The following RASEF variants were observed in gnomAD, a reference collection of about 807,000 sequenced individuals.
RASEF encodes RAS and EF-hand domain containing, also known as ras and EF-hand domain-containing protein.
RASEF carries 68 observed loss-of-function variants against 90.1 expected under a neutral mutation model. The observed-to-expected ratio is 0.75, with a 90% CI of 0.62 to 0.92. The LOEUF (loss-of-function observed/expected upper bound fraction) is 0.92, where lower values mean the gene tolerates loss of function less well. Among genes scored for constraint, RASEF ranks in the 40% least tolerant of loss-of-function variants. The pLI is 0.00. For missense variants in RASEF, 949 were observed against 937.2 expected, an observed-to-expected ratio of 1.01 and a Z score of -0.16; for synonymous variants, 331 against 345.2, an observed-to-expected ratio of 0.96 and a Z score of 0.46.
chr9:83,202,892 C>T, the RASEF span, among the ~76,000 whole-genome samples: 1,473 of 152,226 alleles, frequency 9.7e-3, 22 homozygotes, highest in African/African-American at 0.034. Context: ...GGTATACATA[C>T]ATCAAAACGT....
At chr9:83,104,435 G>C in the RASEF span, among the ~76,000 whole-genome samples, 1 of 152,138 alleles carries the variant, frequency 6.6e-6, no homozygotes, top group African/African-American at 2.4e-5. Context: ...GAGCTTGCGA[G>C]AAACATTGAG....
the RASEF span, among the ~76,000 whole-genome samples, chr9:83,089,825 T>C: frequency 6.6e-6 from 1 of 152,138 alleles, no homozygotes; most frequent in Non-Finnish European, 1.5e-5. Flanking sequence ...TTGGGACATT[T>C]CGGCCACTAT....
intron 16 of RASEF, among the ~76,000 whole-genome samples, chr9:82,984,531 A>G (rs1206408394): frequency 6.6e-6 from 1 of 152,214 alleles, no homozygotes; most frequent in Non-Finnish European, 1.5e-5. Context: ...CATATTTGAT[A>G]TATACCCCAG....
chr9:83,088,039 A>G, the RASEF span, among the ~76,000 whole-genome samples: 52 of 152,100 alleles, frequency 3.4e-4, no homozygotes, highest in Non-Finnish European at 5.1e-4. Context: ...TAATTTCCAC[A>G]TATTTGTGAA....
At chr9:83,046,868 AATAGGTGATACTTT>A (rs1829941955) in intron 1 of RASEF, among the ~76,000 whole-genome samples, 2 of 152,192 alleles carry the variant, frequency 1.3e-5, no homozygotes, top group African/African-American at 4.8e-5. Flanking sequence ...GGGAGCTAAC[AATAGGTGATACTTT>A]CACCACTGCA....
the RASEF span, among the ~76,000 whole-genome samples, chr9:83,126,452 C>T: frequency 1.0e-3 from 156 of 152,144 alleles, 2 homozygotes; most frequent in Non-Finnish European, 1.8e-4. Context: ...ACCTAGTCTA[C>T]AGTATTTTAT....
At chr9:83,031,427 T>C (rs1228738887) in intron 1 of RASEF, among the ~76,000 whole-genome samples, 2 of 152,338 alleles carry the variant, frequency 1.3e-5, no homozygotes, top group Admixed American at 1.3e-4. Context: ...TTTAAGCCTT[T>C]ACATATATTA....
At chr9:83,114,822 T>G in the RASEF span, among the ~76,000 whole-genome samples, 1 of 152,214 alleles carries the variant, frequency 6.6e-6, no homozygotes, top group Non-Finnish European at 1.5e-5. Flanking sequence ...AATGTGTGCC[T>G]GAAACTTCAT....
chr9:83,076,056 T>G, the RASEF span, among the ~76,000 whole-genome samples: 2 of 151,690 alleles, frequency 1.3e-5, no homozygotes, highest in Admixed American at 1.3e-4. Flanking sequence ...TAATCCCAGC[T>G]ACTCTGGAGG....
the RASEF span, among the ~76,000 whole-genome samples, chr9:83,193,624 C>T: frequency 5.9e-5 from 9 of 152,162 alleles, no homozygotes; most frequent in African/African-American, 2.2e-4. Context: ...TAAGTGGCCT[C>T]ATAAATATGG....
chr9:83,099,127 CAT>C, the RASEF span, among the ~76,000 whole-genome samples: 5 of 152,102 alleles, frequency 3.3e-5, no homozygotes, highest in Non-Finnish European at 7.4e-5. Flanking sequence ...TCTATCTATC[CAT>C]ATATCTATGA....
At chr9:83,029,913 C>A (rs904862821) in intron 1 of RASEF, among the ~76,000 whole-genome samples, 2 of 152,146 alleles carry the variant, frequency 1.3e-5, no homozygotes, top group Non-Finnish European at 2.9e-5. Flanking sequence ...ATATTTATTA[C>A]GGGGCAGTGA....
At chr9:83,008,094 T>C (rs1829166261) in intron 6 of RASEF, among the ~76,000 whole-genome samples, 1 of 152,052 alleles carries the variant, frequency 6.6e-6, no homozygotes, top group African/African-American at 2.4e-5. Flanking sequence ...CCTCTGTTGC[T>C]TTATGATGGA....
chr9:83,185,222 C>G, the RASEF span, among the ~76,000 whole-genome samples: 1 of 151,870 alleles, frequency 6.6e-6, no homozygotes, highest in Non-Finnish European at 1.5e-5. Flanking sequence ...GAAGACAAAG[C>G]AAGAATAGGA....
the RASEF span, among the ~76,000 whole-genome samples, chr9:83,184,927 G>A: frequency 2.6e-5 from 4 of 152,220 alleles, no homozygotes; most frequent in Admixed American, 6.5e-5. Flanking sequence ...GTTCCGGAAC[G>A]TGCAGCATCA....
At chr9:83,015,273 G>A (rs1239872889) in intron 4 of RASEF, among the ~76,000 whole-genome samples, 2 of 152,270 alleles carry the variant, frequency 1.3e-5, no homozygotes, top group South Asian at 2.1e-4. Flanking sequence ...TGAAGACCAA[G>A]GAAAGCAAAC....
At chr9:83,112,876 T>A in the RASEF span, among the ~76,000 whole-genome samples, 1 of 152,182 alleles carries the variant, frequency 6.6e-6, no homozygotes, top group African/African-American at 2.4e-5. Flanking sequence ...ACAATGGAGA[T>A]ACAAAGATGT....
chr9:83,164,373 A>ATATATATG, the RASEF span, among the ~76,000 whole-genome samples: 189 of 141,952 alleles, frequency 1.3e-3, no homozygotes, highest in East Asian at 3.0e-3. Context: ...ATATATATAT[A>ATATATATG]TGTGTGTGTG....
intron 1 of RASEF, among the ~76,000 whole-genome samples, chr9:83,041,035 G>C (rs983642616): frequency 6.6e-6 from 1 of 151,874 alleles, no homozygotes. Flanking sequence ...TAATTTTTTT[G>C]TATTTAGTAG....
Sources: allele counts gnomAD v4.1 joint callset (sites outside exome capture counted in the v4.1 genomes callset), GRCh38; gene constraint gnomAD v4.1.1; transcripts MANE v1.5; gene names NCBI Gene and HGNC (gene_info 2026-07-23, HGNC 2026-07-21).